The following NUDT3 variants were observed in gnomAD, a reference collection of about 807,000 sequenced individuals.
NUDT3 encodes diphosphoinositol polyphosphate phosphohydrolase 1.
In NUDT3, 9 loss-of-function variants were observed where a neutral mutation model predicts 23.6. That is an observed-to-expected ratio of 0.38 (90% CI 0.23 to 0.66). The LOEUF is 0.66. Among genes scored for constraint, NUDT3 ranks in the 30% least tolerant of loss-of-function variants. The pLI is 0.52. For missense variants in NUDT3, 172 were observed against 218.5 expected (o/e 0.79, Z 1.34); for synonymous variants, 86 against 82.6 (o/e 1.04, Z -0.22).
rs894182691 is a variant in NUDT3, at chr6:34,392,553, G to A, written c.-191C>T. On this transcript the variant is annotated 5_prime_UTR_variant, in exon 1 of 5. Coordinates refer to ENST00000607016, the MANE Select transcript of NUDT3 (RefSeq NM_006703.4). Reference sequence around the variant, plus strand: ...TTCCCCCAGGCCCAGGTCCCGCGCCGCCGCTGCCACCGTCACGGCTGCCGT... The same window carrying A: ...TTCCCCCAGGCCCAGGTCCCGCGCCACCGCTGCCACCGTCACGGCTGCCGT... 13 of 384,768 alleles carry A rather than the reference G, an allele frequency of 3.4e-5. No homozygotes were observed. Among genetic ancestry groups the A allele is most frequent in the Non-Finnish European group, 4.6e-5 (10 of 216,328 alleles). 23.8% of individuals were successfully genotyped at this position (384,768 alleles called of 1,614,324 possible). A position where few individuals can be genotyped will look rare whatever the true frequency, so the allele number is the denominator to read the frequency against.
At chr6:34,308,577 T>G (rs1763720767) in intron 2 of NUDT3, among the ~76,000 whole-genome samples, 1 of 152,050 alleles carries the variant, frequency 6.6e-6, no homozygotes, top group Non-Finnish European at 1.5e-5. Flanking sequence ...ACACATACCT[T>G]GAAAGTAAAG....
chr6:34,330,965 C>T (rs981814781), intron 2 of NUDT3, among the ~76,000 whole-genome samples: 1 of 152,186 alleles, frequency 6.6e-6, no homozygotes, highest in African/African-American at 2.4e-5. Flanking sequence ...AGCAATTCTC[C>T]TGCCTCAGCC....
intron 2 of NUDT3, among the ~76,000 whole-genome samples, chr6:34,323,601 G>A (rs1763978739): frequency 6.6e-6 from 1 of 151,840 alleles, no homozygotes; most frequent in Non-Finnish European, 1.5e-5. Flanking sequence ...AAACAAAGAA[G>A]AGAAGCGAAG....
intron 1 of NUDT3, among the ~76,000 whole-genome samples, chr6:34,358,328 T>C (rs900135073): frequency 6.6e-6 from 1 of 152,062 alleles, no homozygotes; most frequent in Non-Finnish European, 1.5e-5. Context: ...GTTGAATTTA[T>C]AGATTAATTT....
intron 1 of NUDT3, among the ~76,000 whole-genome samples, chr6:34,360,261 TAAAAAC>T (rs1330138466): frequency 1.7e-5 from 2 of 119,126 alleles, no homozygotes; most frequent in Non-Finnish European, 3.6e-5. Flanking sequence ...AAAAAAAAGC[TAAAAAC>T]AAAAACAAAA....
chr6:34,314,707 A>G (rs1763832503), intron 2 of NUDT3, among the ~76,000 whole-genome samples: 1 of 152,194 alleles, frequency 6.6e-6, no homozygotes, highest in Non-Finnish European at 1.5e-5. Context: ...AAAAGAGAAG[A>G]TGAAAGCCCA....
chr6:34,366,441 A>G (rs1028898828), intron 1 of NUDT3, among the ~76,000 whole-genome samples: 1 of 128,472 alleles, frequency 7.8e-6, no homozygotes. Flanking sequence ...AAAGAGAGAG[A>G]GAAGGAGAGA....
intron 2 of NUDT3, among the ~76,000 whole-genome samples, chr6:34,310,415 A>T (rs1006347130): frequency 1.3e-5 from 2 of 151,956 alleles, no homozygotes; most frequent in South Asian, 4.2e-4. Flanking sequence ...CTGTAATTCC[A>T]GTTACTCTGG....
At position 34,341,964 on chromosome 6, in the gene NUDT3, G is replaced by C. The variant is rs140008893; in HGVS notation, c.108C>G (p.Leu36=). 1.9e-6 allele frequency: 3 copies of C among 1,613,172 alleles called. No individual in the cohort carries two copies. Among genetic ancestry groups the C allele is most frequent in the Non-Finnish European group, 2.5e-6 (3 of 1,179,588 alleles). ...TGTCTGGATGGCGACTACTGCTCAC[G>C]AGTAGCACCTGTTAAGTCACAAAGG... ...FRSESEEEVL[L]VSSSRHPDRW... The change falls in exon 2 of 5, where the codon CTC becomes CTG. Residue 36 remains leucine, a synonymous_variant. Transcript: ENST00000607016.
rs1763315525 is a variant in NUDT3 at position 34,284,777 on chromosome 6, C to A, written c.*3976G>T. On this transcript the variant is annotated 3_prime_UTR_variant, in exon 5 of 5. Coordinates refer to ENST00000607016, the MANE Select transcript of NUDT3 (RefSeq NM_006703.4). ...CACAGAATTTTTTTCTTAAAAACCACAAAGGGTGACTTTTTTCTTCTAAGC... is the reference window on the plus strand; with the variant it reads ...CACAGAATTTTTTTCTTAAAAACCAAAAAGGGTGACTTTTTTCTTCTAAGC... 6.6e-6 allele frequency: 1 copy of A among 152,164 alleles called. No individual in the cohort carries two copies. Among genetic ancestry groups the A allele is most frequent in the South Asian group, 2.1e-4 (1 of 4,826 alleles). The allele number at this position is 152,164 out of a possible 1,614,324, so 9.4% of individuals were successfully genotyped here. A position where few individuals can be genotyped will look rare whatever the true frequency, so the allele number is the denominator to read the frequency against.
chr6:34,389,334 T>C (rs1228740029), intron 1 of NUDT3, among the ~76,000 whole-genome samples: 2 of 152,224 alleles, frequency 1.3e-5, no homozygotes, highest in Non-Finnish European at 1.5e-5. Flanking sequence ...GTGAAGAAGG[T>C]TCTTACTTCC....
At chr6:34,324,811 A>G (rs1054784195) in intron 2 of NUDT3, among the ~76,000 whole-genome samples, 4 of 152,270 alleles carry the variant, frequency 2.6e-5, no homozygotes, top group African/African-American at 9.6e-5. Context: ...ACCCAGAGGC[A>G]GCCATTTACC....
rs1491141562 is a variant in NUDT3 at position 34,286,789 on chromosome 6, A to AAAAAAT, written c.*1963_*1964insATTTTT. The AAAAAAT allele has an allele frequency of 2.4e-4, 29 of 119,174 alleles. No individual in the cohort carries two copies. The highest frequency in any genetic ancestry group is 8.9e-4 in the African/African-American group (27 of 30,452). The allele number at this position is 119,174 out of a possible 1,614,324, so 7.4% of individuals were successfully genotyped here. On this transcript the variant is annotated 3_prime_UTR_variant, in exon 5 of 5. Coordinates refer to ENST00000607016, the MANE Select transcript of NUDT3 (RefSeq NM_006703.4). ...GTATATAGCAAAAAAAAAAAAAAAA[A>AAAAAAT]TTTTTTTTTTTTTTTTTTGAGATGG...
At position 34,323,602 on chromosome 6, in the gene NUDT3, AGAAGC is replaced by A. The variant is rs560145316; in HGVS notation, c.210+18255_210+18259del. The stretch of plus-strand genomic sequence containing the variant: ...AGAAAAGAAACAAGAAACAAAGAAG[AGAAGC>A]GAAGCGAAGCGAAGAGAAGAGAAAA... On this transcript the variant is annotated intron_variant, in intron 2 of 4. Transcript: ENST00000607016. 3.9e-3 allele frequency among the ~76,000 whole-genome samples: 586 copies of A among 152,206 alleles called. 4 individuals carry two copies. Among genetic ancestry groups the A allele is most frequent in the Middle Eastern group, 0.024 (7 of 294 alleles).
rs547460647 is a variant in NUDT3, at chr6:34,349,853, G to C, written c.100-7881C>G. ...CGCCTGTAATCCCAGCACTTTGGGA[G>C]GCTGAGGCGGGCGGATCACAAGGTC... On this transcript the variant is annotated intron_variant, in intron 1 of 4. Transcript: ENST00000607016. Among the ~76,000 whole-genome samples, 37 of 150,770 alleles carry C rather than the reference G, an allele frequency of 2.5e-4. 2 individuals carry two copies. Among genetic ancestry groups the C allele is most frequent in the Admixed American group, 7.9e-4 (12 of 15,156 alleles).
chr6:34,340,641 G>C (rs1033969995), intron 2 of NUDT3, among the ~76,000 whole-genome samples: 1 of 152,140 alleles, frequency 6.6e-6, no homozygotes, highest in African/African-American at 2.4e-5. Context: ...CTCTGTCAAT[G>C]TTTATCACTT....
intron 2 of NUDT3, among the ~76,000 whole-genome samples, chr6:34,341,656 T>C (rs1764289305): frequency 6.6e-6 from 1 of 152,226 alleles, no homozygotes; most frequent in Non-Finnish European, 1.5e-5. Flanking sequence ...TAAAAAGTCA[T>C]GGGAAGTCTG....
intron 1 of NUDT3, 98 bp from the exon 2 acceptor site, chr6:34,342,070 A>C: frequency 9.2e-7 from 1 of 1,088,148 alleles, no homozygotes; most frequent in African/African-American, 1.6e-5. Flanking sequence ...AGTAACCAAG[A>C]CCCATTCTTT....
At chr6:34,341,564 G>A (rs1292863526) in intron 2 of NUDT3, among the ~76,000 whole-genome samples, 1 of 152,152 alleles carries the variant, frequency 6.6e-6, no homozygotes, top group African/African-American at 2.4e-5. Flanking sequence ...TTAGAGGTCA[G>A]GAACTATTTG....
Sources: gnomAD v4.1 joint callset for allele counts (sites outside exome capture counted in the v4.1 genomes callset) on GRCh38, gnomAD v4.1.1 for gene constraint, MANE v1.5 for transcripts, NCBI Gene and HGNC (gene_info 2026-07-23, HGNC 2026-07-21) for gene names.